Variants in CDH18 observed in about 807,000 individuals in gnomAD.
CDH18 encodes cadherin-18.
A neutral mutation model predicts 67.9 loss-of-function variants in CDH18; 31 were observed. The ratio of observed to expected loss-of-function variants is 0.46; its 90% CI spans 0.34 to 0.62. The LOEUF is 0.62. Among genes scored for constraint, CDH18 ranks in the 20% least tolerant of loss-of-function variants. The probability of loss-of-function intolerance (pLI) is 0.01; values close to 1 mark genes in which losing one functional copy is unlikely to be tolerated. For missense variants in CDH18, 890 were observed against 975.5 expected (o/e 0.91, Z 1.17); for synonymous variants, 362 against 347.2 (o/e 1.04, Z -0.48).
At chr5:20,276,195 C>A (rs540216402) in intron 1 of CDH18, among the ~76,000 whole-genome samples, 1 of 152,218 alleles carries the variant, frequency 6.6e-6, no homozygotes, top group African/African-American at 2.4e-5. Flanking sequence ...CCTAGTGAGA[C>A]ACCAGCTGGG....
chr5:20,490,765 T>C (rs1050803496), intron 1 of CDH18, among the ~76,000 whole-genome samples: 19 of 152,142 alleles, frequency 1.2e-4, no homozygotes, highest in African/African-American at 4.6e-4. Flanking sequence ...CAATTTTCCA[T>C]ATCTCTAAAA....
chr5:19,665,059 T>A (rs533107411), intron 5 of CDH18, among the ~76,000 whole-genome samples: 1 of 152,132 alleles, frequency 6.6e-6, no homozygotes, highest in Non-Finnish European at 1.5e-5. Flanking sequence ...ATTGTCAACA[T>A]AATTATAAAA....
intron 3 of CDH18, among the ~76,000 whole-genome samples, chr5:19,816,637 T>C (rs572491986): frequency 3.3e-5 from 5 of 151,988 alleles, no homozygotes; most frequent in South Asian, 2.1e-4. Flanking sequence ...AGTTAATGAC[T>C]AAAAATAGGA....
chr5:19,521,594 A>G (rs1417538779), intron 9 of CDH18, among the ~76,000 whole-genome samples: 1 of 152,170 alleles, frequency 6.6e-6, no homozygotes, highest in African/African-American at 2.4e-5. Context: ...CATACAATAC[A>G]TTAATAATAA....
intron 11 of CDH18, among the ~76,000 whole-genome samples, chr5:19,499,833 G>A (rs575979749): frequency 6.6e-6 from 1 of 151,670 alleles, no homozygotes; most frequent in Non-Finnish European, 1.5e-5. Flanking sequence ...ATCTGTTTCT[G>A]TGCCCTTGCT....
intron 1 of CDH18, among the ~76,000 whole-genome samples, chr5:20,378,070 G>C (rs1393898904): frequency 1.3e-5 from 2 of 152,182 alleles, no homozygotes; most frequent in Non-Finnish European, 2.9e-5. Context: ...AGGTGTTTTT[G>C]AGAGAGAAAA....
chr5:20,013,662 T>G (rs915127717), intron 2 of CDH18, among the ~76,000 whole-genome samples: 1 of 152,248 alleles, frequency 6.6e-6, no homozygotes, highest in Admixed American at 6.5e-5. Flanking sequence ...TTTAGATGTA[T>G]ACATTTCAAA....
intron 2 of CDH18, among the ~76,000 whole-genome samples, chr5:20,179,578 G>C (rs1737518975): frequency 6.6e-6 from 1 of 152,150 alleles, no homozygotes; most frequent in Non-Finnish European, 1.5e-5. Flanking sequence ...AACAGGGACT[G>C]ATATAGAAGT....
chr5:20,219,780 C>T (rs1236535097), intron 2 of CDH18, among the ~76,000 whole-genome samples: 3 of 151,450 alleles, frequency 2.0e-5, no homozygotes, highest in Admixed American at 6.6e-5. Context: ...ATTCAACATC[C>T]CTTCATGATA....
chr5:20,382,752 G>A (rs189015367), intron 1 of CDH18, among the ~76,000 whole-genome samples: 1 of 152,106 alleles, frequency 6.6e-6, no homozygotes, highest in East Asian at 1.9e-4. Flanking sequence ...AACAACACTG[G>A]CTTTACTCTG....
intron 2 of CDH18, among the ~76,000 whole-genome samples, chr5:20,042,132 G>A (rs1343622949): frequency 6.6e-6 from 1 of 152,128 alleles, no homozygotes; most frequent in African/African-American, 2.4e-5. Context: ...TGATGCTTCC[G>A]CCAGCTGAGA....
intron 5 of CDH18, among the ~76,000 whole-genome samples, chr5:19,709,598 G>C (rs1391174865): frequency 7.0e-6 from 1 of 143,168 alleles, no homozygotes; most frequent in Non-Finnish European, 1.5e-5. Context: ...AAGTAAAGAA[G>C]GAAGGAAGGA....
Position 20,428,267 on chromosome 5 carries a change from A to T in CDH18, c.-580+147195T>A, listed in dbSNP as rs1016979209. 2.0e-5 allele frequency among the ~76,000 whole-genome samples: 3 copies of T among 148,474 alleles called. No individual in the cohort carries two copies. The East Asian group carries it at 5.8e-4, about 29-fold the overall frequency. Reference sequence around the variant, plus strand: ...AGCTTCATCCATGTCCCTGAAAAGGACATGAACTCATTCTTTTTTATGGCT... The same window carrying T: ...AGCTTCATCCATGTCCCTGAAAAGGTCATGAACTCATTCTTTTTTATGGCT... On this transcript the variant is annotated intron_variant, in intron 1 of 14. Coordinates refer to the CDH18 transcript ENST00000507958.
chr5:19,753,528 T>C (rs913053137), intron 3 of CDH18, among the ~76,000 whole-genome samples: 3 of 152,138 alleles, frequency 2.0e-5, no homozygotes, highest in African/African-American at 7.2e-5. Flanking sequence ...TGGGATTATA[T>C]TAAATGACCA....
chr5:19,830,828 A>G (rs1478476352), intron 3 of CDH18, among the ~76,000 whole-genome samples: 1 of 152,136 alleles, frequency 6.6e-6, no homozygotes, highest in Non-Finnish European at 1.5e-5. Flanking sequence ...CATGCGGCAC[A>G]TACAAACCAT....
intron 1 of CDH18, among the ~76,000 whole-genome samples, chr5:20,543,658 A>G (rs1508550): frequency 0.4 from 60,100 of 151,976 alleles, 13,324 homozygotes; most frequent in East Asian, 0.56. Context: ...ATTTCATATG[A>G]CTTTCTCTTT....
intron 1 of CDH18, among the ~76,000 whole-genome samples, chr5:20,535,894 CTA>C (rs926280861): frequency 2.2e-4 from 34 of 152,150 alleles, no homozygotes; most frequent in Admixed American, 2.1e-3. Flanking sequence ...GAATTCTAAT[CTA>C]TGTTTCCTAA....
intron 1 of CDH18, among the ~76,000 whole-genome samples, chr5:20,283,410 T>G (rs1746440743): frequency 6.6e-6 from 1 of 151,764 alleles, no homozygotes; most frequent in African/African-American, 2.4e-5. Context: ...AGGAAAAACA[T>G]CTTAGAATCT....
At position 19,520,269 on chromosome 5, in the gene CDH18, T is replaced by C. The variant is rs139318122; in HGVS notation, c.1512+388A>G. Among the ~76,000 whole-genome samples, 409 of 152,294 alleles carry C rather than the reference T, an allele frequency of 2.7e-3. 1 individual carries two copies. The highest frequency in any genetic ancestry group is 9.4e-3 in the African/African-American group (391 of 41,576). On this transcript the variant is annotated intron_variant, in intron 10 of 12. Transcript: ENST00000382275. ...ATCAGCATCACTCAATCATCATTCC[T>C]GTGTCACTCCTGCAGATCCTCCAAA...
Sources: allele counts gnomAD v4.1 joint callset (sites outside exome capture counted in the v4.1 genomes callset), GRCh38; gene constraint gnomAD v4.1.1; transcripts MANE v1.5; gene names NCBI Gene and HGNC (gene_info 2026-07-23, HGNC 2026-07-21).